The following STK32C variants were observed in gnomAD, a reference collection of about 807,000 sequenced individuals.
STK32C encodes the protein serine/threonine kinase 32C, also known as serine/threonine-protein kinase 32C.
A neutral mutation model predicts 56.5 loss-of-function variants in STK32C; 31 were observed. That is an observed-to-expected ratio of 0.55 (90% CI 0.41 to 0.74). The LOEUF (loss-of-function observed/expected upper bound fraction) is 0.74. Ranked by LOEUF, STK32C falls within the 30% of genes least tolerant of loss-of-function variation. The probability of loss-of-function intolerance (pLI) is 0.00; values close to 1 mark genes in which losing one functional copy is unlikely to be tolerated. For missense variants in STK32C, 544 were observed against 676.9 expected, an observed-to-expected ratio of 0.80 and a Z score of 2.18; for synonymous variants, 309 against 289.4, an observed-to-expected ratio of 1.07 and a Z score of -0.69.
At chr10:132,252,997 G>A (rs1283458722) in intron 1 of STK32C, among the ~76,000 whole-genome samples, 1 of 152,116 alleles carries the variant, frequency 6.6e-6, no homozygotes, top group African/African-American at 2.4e-5. Flanking sequence ...GCTGCTAGCT[G>A]GGGTCTCAGT....
chr10:132,308,898 C>T (rs768173053), upstream of STK32C, among the ~76,000 whole-genome samples: 1 of 152,216 alleles, frequency 6.6e-6, no homozygotes, highest in Non-Finnish European at 1.5e-5. Flanking sequence ...CTGCATGGAG[C>T]CTCGCCGCCT....
At chr10:132,274,521 C>T (rs1007428860) in intron 1 of STK32C, among the ~76,000 whole-genome samples, 3 of 152,336 alleles carry the variant, frequency 2.0e-5, no homozygotes, top group Admixed American at 1.3e-4. Context: ...GACAAAACCT[C>T]GTACCAGGCT....
chr10:132,228,174 G>C, intron 2 of STK32C, 46 bp from the exon 3 acceptor site: 1 of 1,612,792 alleles, frequency 6.2e-7, no homozygotes. Context: ...GGACGCCTGG[G>C]GACACGTGGG....
Position 132,227,802 on chromosome 10 carries a change from C to T in STK32C, c.470+175G>A, listed in dbSNP as rs188686114. ...ATGTCATGGCCACCTGGGCCACTGC[C>T]AGGCCTGGGGCACAGGAAGGGGGAT... On this transcript the variant is annotated intron_variant, in intron 3 of 11. Coordinates refer to ENST00000298630, the MANE Select transcript of STK32C (RefSeq NM_173575.4). Among the ~76,000 whole-genome samples the T allele has an allele frequency of 1.9e-3, 293 of 152,318 alleles. 2 individuals carry two copies. Among genetic ancestry groups the T allele is most frequent in the South Asian group, 7.0e-3 (34 of 4,828 alleles).
chr10:132,291,873 C>A (rs2138306692), intron 1 of STK32C, among the ~76,000 whole-genome samples: 1 of 152,226 alleles, frequency 6.6e-6, no homozygotes, highest in South Asian at 2.1e-4. Flanking sequence ...CCATTCCTAA[C>A]CTCCTGCCCT....
chr10:132,285,861 C>T (rs2065385011), intron 1 of STK32C, among the ~76,000 whole-genome samples: 1 of 152,158 alleles, frequency 6.6e-6, no homozygotes, highest in Admixed American at 6.5e-5. Context: ...GTGGCTCACG[C>T]GTGTAAGCCC....
chr10:132,245,630 G>A (rs905595789), intron 2 of STK32C, among the ~76,000 whole-genome samples: 18 of 152,228 alleles, frequency 1.2e-4, no homozygotes, highest in African/African-American at 4.3e-4. Flanking sequence ...CTAGGCTCCA[G>A]TTCAGCCAAA....
chr10:132,225,427 G>A (rs1199305689), intron 6 of STK32C, 91 bp from the exon 7 acceptor site: 38 of 1,588,434 alleles, frequency 2.4e-5, no homozygotes, highest in Non-Finnish European at 3.3e-5. Flanking sequence ...CACATCCCGA[G>A]ACCAGGCTGC....
intron 1 of STK32C, among the ~76,000 whole-genome samples, chr10:132,268,712 C>A (rs1404172957): frequency 2.0e-5 from 2 of 102,002 alleles, no homozygotes; most frequent in Admixed American, 1.2e-4. Context: ...TGTCTCACAT[C>A]GTGTGTGTGT....
rs183036528 is a variant in STK32C at position 132,258,829 on chromosome 10, A to T, written c.263-12874T>A. On this transcript the variant is annotated intron_variant, in intron 1 of 11. Transcript: ENST00000298630. ...ATCCCCAAACACCACAGTGCCGAGG[A>T]GGGGCTGCGAGGGCCTCCAGGGCAT... 2.0e-5 allele frequency among the ~76,000 whole-genome samples: 3 copies of T among 152,324 alleles called. No homozygotes were observed. In the East Asian group the frequency reaches 5.8e-4, roughly 29 times the overall value.
intron 8 of STK32C, 80 bp downstream of exon 8, chr10:132,224,326 AG>A: frequency 9.8e-7 from 1 of 1,015,296 alleles, no homozygotes; most frequent in Non-Finnish European, 1.5e-6. Flanking sequence ...TGTGCACTGG[AG>A]GGGGTGTCCC....
At position 132,237,809 on chromosome 10, in the gene STK32C, G is replaced by T. The variant is rs74547746; in HGVS notation, c.318+8091C>A. Among the ~76,000 whole-genome samples, 1,303 of 152,350 alleles carry T rather than the reference G, an allele frequency of 8.6e-3. 23 individuals are homozygous for T. The highest frequency in any genetic ancestry group is 0.029 in the African/African-American group (1,214 of 41,582). On this transcript the variant is annotated intron_variant, in intron 2 of 11. Transcript: ENST00000298630. ...CCCTGGAAGAATCAGCTTCCCCACA[G>T]CAGGGAGAGCAGGATCCCCCTTTCC...
In STK32C at chr10:132,318,193, G is replaced by A. The variant is rs369363553; in HGVS notation, c.301+13243C>T. 4.3e-4 allele frequency among the ~76,000 whole-genome samples: 66 copies of A among 151,924 alleles called. No homozygotes were observed. The East Asian group carries it at 8.5e-3, about 20-fold the overall frequency. ...TGAGGCAGGAGAATCACTTTAACCC[G>A]GGAGGTGGAGGTTGCAGTGAGCCAA... is the stretch of plus-strand genomic sequence containing the variant. On this transcript the variant is annotated intron_variant, in intron 1 of 3. Coordinates refer to the STK32C transcript ENST00000368620.
At chr10:132,238,387 G>A (rs184980481) in intron 2 of STK32C, among the ~76,000 whole-genome samples, 17 of 152,312 alleles carry the variant, frequency 1.1e-4, no homozygotes, top group East Asian at 9.6e-4. Flanking sequence ...ATGCCACACC[G>A]TGGGGCCACA....
At chr10:132,247,878 G>T (rs1349367172) in intron 1 of STK32C, among the ~76,000 whole-genome samples, 2 of 152,114 alleles carry the variant, frequency 1.3e-5, no homozygotes, top group Non-Finnish European at 2.9e-5. Context: ...GACGGAGGGG[G>T]TGGGGCTTCA....
intron 1 of STK32C, among the ~76,000 whole-genome samples, chr10:132,296,773 C>T (rs1340443000): frequency 1.3e-5 from 2 of 152,204 alleles, no homozygotes; most frequent in African/African-American, 4.8e-5. Context: ...AGAAAGGGGC[C>T]GCTGTGAGGA....
Position 132,222,681 on chromosome 10 carries a change from T to G in STK32C, c.1211A>C (p.Lys404Thr). Residue 404 changes from lysine to threonine, a missense_variant, in exon 10 of 12, where the codon AAG becomes ACG. Around this residue, in one of 3 missense-constraint regions of STK32C, gnomAD observed 277 missense variants for 309.3 expected, o/e 0.90. Coordinates refer to ENST00000298630, the MANE Select transcript of STK32C (RefSeq NM_173575.4). Reference protein sequence around the residue: ...PLHKKKKRLAKNKSRDNSRDS... With the variant: ...PLHKKKKRLATNKSRDNSRDS... ...CCTGCTGTTGTCCCGGGACTTGTTC[T>G]TGGCCAGACGCTTCTTCTTCTTGTG... 6.2e-7 allele frequency: 1 copy of G among 1,613,324 alleles called. No homozygotes were observed. Among genetic ancestry groups the G allele is most frequent in the South Asian group, 1.1e-5 (1 of 91,016 alleles).
intron 1 of STK32C, among the ~76,000 whole-genome samples, chr10:132,325,413 C>T (rs2066476368): frequency 1.3e-5 from 2 of 151,886 alleles, no homozygotes; most frequent in Non-Finnish European, 2.9e-5. Context: ...ATTAGCCAGG[C>T]GTGGTGGCGG....
At chr10:132,282,489 G>GCCTGCGCCCACCTGTA (rs2138243182) in intron 1 of STK32C, among the ~76,000 whole-genome samples, 1 of 105,580 alleles carries the variant, frequency 9.5e-6, no homozygotes, top group African/African-American at 5.7e-5. Context: ...GCCCACCTGT[G>GCCTGCGCCCACCTGTA]CCTGCGCCCA....
Sources: allele counts gnomAD v4.1 joint callset (sites outside exome capture counted in the v4.1 genomes callset), GRCh38; gene constraint gnomAD v4.1.1; regional missense constraint gnomAD v4.1.1; transcripts MANE v1.5; gene names NCBI Gene and HGNC (gene_info 2026-07-23, HGNC 2026-07-21).